MGAT4C: variants seen among roughly 807,000 people sequenced by gnomAD.
MGAT4C encodes MGAT4 family member C.
A neutral mutation model predicts 40.1 loss-of-function variants in MGAT4C; 19 were observed. The observed-to-expected ratio is 0.47, with a 90% CI of 0.33 to 0.70. The LOEUF is 0.70. Among genes scored for constraint, MGAT4C ranks in the 30% least tolerant of loss-of-function variants. The probability of loss-of-function intolerance (pLI) is 0.02; values close to 1 mark genes in which losing one functional copy is unlikely to be tolerated. For missense variants in MGAT4C, 491 were observed against 563.2 expected (o/e 0.87, Z 1.30); for synonymous variants, 181 against 187.1 (o/e 0.97, Z 0.27).
chr12:86,191,632 AACACACACACAC>A (rs61626246), intron 1 of MGAT4C, among the ~76,000 whole-genome samples: 15 of 121,996 alleles, frequency 1.2e-4, no homozygotes, highest in African/African-American at 3.5e-4. Flanking sequence ...CAAAAAACAA[AACACACACACAC>A]ACACACACAC....
rs573443497 is a variant in MGAT4C, at chr12:86,167,089, T to G, written c.-57+89150A>C. Reference sequence around the variant, plus strand: ...GACTATTGAGTTTATGTGAAGTGCTTAAAGTGACACTTCTAGAAAGACACA... The same window carrying G: ...GACTATTGAGTTTATGTGAAGTGCTGAAAGTGACACTTCTAGAAAGACACA... On this transcript the variant is annotated intron_variant, in intron 1 of 4. Coordinates refer to ENST00000611864, the MANE Select transcript of MGAT4C (RefSeq NM_001351288.2). Among the ~76,000 whole-genome samples the G allele has an allele frequency of 5.9e-5, 9 of 152,284 alleles. No individual in the cohort carries two copies. The South Asian group carries it at 1.9e-3, about 32-fold the overall frequency.
intron 2 of MGAT4C, among the ~76,000 whole-genome samples, chr12:86,700,035 AATAGATAGATAGATAG>A: frequency 6.8e-6 from 1 of 147,738 alleles, no homozygotes; most frequent in East Asian, 2.0e-4. Context: ...AATTTAGATA[AATAGATAGATAGATAG>A]ATAGATAGAT....
chr12:86,332,838 A>G (rs1236539229), intron 4 of MGAT4C, among the ~76,000 whole-genome samples: 1 of 152,118 alleles, frequency 6.6e-6, no homozygotes, highest in Non-Finnish European at 1.5e-5. Flanking sequence ...TGACTGTGCT[A>G]AAAGAGGACA....
intron 2 of MGAT4C, among the ~76,000 whole-genome samples, chr12:86,622,432 T>C (rs1266995470): frequency 6.6e-6 from 1 of 152,128 alleles, no homozygotes. Flanking sequence ...TGTGAAATAT[T>C]TAGAGTGAAA....
intron 2 of MGAT4C, among the ~76,000 whole-genome samples, chr12:86,646,094 T>G (rs186584726): frequency 2.0e-5 from 3 of 151,920 alleles, no homozygotes; most frequent in African/African-American, 7.2e-5. Flanking sequence ...TTCTAAGATT[T>G]GTCTGTAAAA....
At chr12:86,198,840 T>C (rs1949924884) in intron 1 of MGAT4C, among the ~76,000 whole-genome samples, 1 of 152,180 alleles carries the variant, frequency 6.6e-6, no homozygotes, top group African/African-American at 2.4e-5. Flanking sequence ...CTAAAGAGTA[T>C]GTCACTAAAA....
At chr12:86,659,008 T>A (rs897168896) in intron 2 of MGAT4C, among the ~76,000 whole-genome samples, 11 of 152,136 alleles carry the variant, frequency 7.2e-5, no homozygotes, top group African/African-American at 2.7e-4. Context: ...GTTTGACCTA[T>A]GATTAATGTG....
intron 2 of MGAT4C, among the ~76,000 whole-genome samples, chr12:86,626,756 G>GGT (rs1182514208): frequency 6.6e-6 from 1 of 152,202 alleles, no homozygotes; most frequent in African/African-American, 2.4e-5. Context: ...TCTGTTCCAA[G>GGT]GTGGCAGAAT....
At chr12:85,988,002 A>G (rs1885445075) in intron 3 of MGAT4C, among the ~76,000 whole-genome samples, 1 of 152,236 alleles carries the variant, frequency 6.6e-6, no homozygotes, top group Admixed American at 6.5e-5. Context: ...AATAGCAAGA[A>G]CACATGGGCC....
intron 2 of MGAT4C, among the ~76,000 whole-genome samples, chr12:86,480,412 T>C (rs991518502): frequency 1.3e-5 from 2 of 151,130 alleles, no homozygotes; most frequent in East Asian, 3.9e-4. Context: ...TATAAGTATA[T>C]ATATCCAACA....
chr12:86,803,080 G>T (rs980271816), intron 1 of MGAT4C, among the ~76,000 whole-genome samples: 49 of 141,572 alleles, frequency 3.5e-4, no homozygotes, highest in African/African-American at 1.3e-3. Context: ...TAGATCAATG[G>T]AACAGAACAG....
At chr12:86,814,291 TATAC>T (rs1952545468) in intron 1 of MGAT4C, among the ~76,000 whole-genome samples, 1 of 18,614 alleles carries the variant, frequency 5.4e-5, no homozygotes, top group African/African-American at 1.9e-4. Flanking sequence ...TATACATATA[TATAC>T]ATATACGTAT....
intron 4 of MGAT4C, among the ~76,000 whole-genome samples, chr12:86,286,021 T>A (rs926835882): frequency 3.3e-5 from 5 of 152,164 alleles, no homozygotes; most frequent in African/African-American, 1.2e-4. Flanking sequence ...GGTGATAAAG[T>A]CTTTGCAAAC....
chr12:86,402,186 T>C (rs1221954123), intron 3 of MGAT4C, among the ~76,000 whole-genome samples: 2 of 152,072 alleles, frequency 1.3e-5, no homozygotes, highest in African/African-American at 4.8e-5. Flanking sequence ...GGCTCACGCT[T>C]GTAATTCCAG....
intron 2 of MGAT4C, among the ~76,000 whole-genome samples, chr12:86,504,063 TAAGAA>T (rs568800206): frequency 2.6e-3 from 394 of 151,404 alleles, no homozygotes; most frequent in African/African-American, 9.4e-3. Flanking sequence ...CCAACAAACC[TAAGAA>T]AAAATGCTCA....
chr12:86,361,609 A>G (rs1291119743), intron 3 of MGAT4C, among the ~76,000 whole-genome samples: 2 of 152,232 alleles, frequency 1.3e-5, no homozygotes, highest in Non-Finnish European at 2.9e-5. Context: ...CTAAATCTAG[A>G]ATCTACAAAG....
intron 3 of MGAT4C, among the ~76,000 whole-genome samples, chr12:86,423,986 T>G (rs1433283745): frequency 1.3e-5 from 2 of 152,228 alleles, no homozygotes; most frequent in African/African-American, 4.8e-5. Context: ...TAGAAATATC[T>G]GCAAAACTAA....
At chr12:86,678,658 C>G (rs1949913863) in intron 2 of MGAT4C, among the ~76,000 whole-genome samples, 1 of 149,400 alleles carries the variant, frequency 6.7e-6, no homozygotes, top group Admixed American at 6.7e-5. Context: ...CAATTCCCAC[C>G]TATGAGTGAG....
At chr12:86,788,511 G>A (rs1214071225) in intron 1 of MGAT4C, among the ~76,000 whole-genome samples, 2 of 152,036 alleles carry the variant, frequency 1.3e-5, no homozygotes, top group Non-Finnish European at 2.9e-5. Context: ...TACAAGGACT[G>A]TTTTTCTTTT....
Sources: allele counts gnomAD v4.1 joint callset (sites outside exome capture counted in the v4.1 genomes callset), GRCh38; gene constraint gnomAD v4.1.1; transcripts MANE v1.5; gene names NCBI Gene and HGNC (gene_info 2026-07-23, HGNC 2026-07-21).